CEP112: variants seen among roughly 807,000 people sequenced by gnomAD.
CEP112 encodes the protein centrosomal protein 112.
In CEP112, 127 loss-of-function variants were observed where a neutral mutation model predicts 153.0. That is an observed-to-expected ratio of 0.83 (90% CI 0.72 to 0.96). The LOEUF (loss-of-function observed/expected upper bound fraction) is 0.96. Among genes scored for constraint, CEP112 ranks in the 40% least tolerant of loss-of-function variants. The pLI, the probability that CEP112 is intolerant of heterozygous loss-of-function variation, is 0.00. For synonymous variants in CEP112, 358 were observed against 374.4 expected, an observed-to-expected ratio of 0.96 and a Z score of 0.51; for missense variants, 1,089 against 1,101.2, an observed-to-expected ratio of 0.99 and a Z score of 0.16.
At chr17:66,146,957 C>T (rs2070945211) in intron 4 of CEP112, among the ~76,000 whole-genome samples, 1 of 152,124 alleles carries the variant, frequency 6.6e-6, no homozygotes, top group African/African-American at 2.4e-5. Context: ...GCAAATAATG[C>T]TGCTATGAAG....
At chr17:65,724,981 G>C (rs2050097041) in intron 23 of CEP112, among the ~76,000 whole-genome samples, 1 of 151,954 alleles carries the variant, frequency 6.6e-6, no homozygotes, top group African/African-American at 2.4e-5. Context: ...CTCCCTTCCT[G>C]CCCCAAATAC....
chr17:66,160,586 A>G (rs1258838232), intron 4 of CEP112, among the ~76,000 whole-genome samples: 1 of 152,224 alleles, frequency 6.6e-6, no homozygotes, highest in African/African-American at 2.4e-5. Context: ...AAAACAAGCA[A>G]TGGGGAAAGG....
chr17:66,037,937 C>T (rs1203464423), intron 12 of CEP112, among the ~76,000 whole-genome samples: 1 of 151,310 alleles, frequency 6.6e-6, no homozygotes, highest in East Asian at 1.9e-4. Context: ...ATATCTGAGG[C>T]CCACCAGATG....
chr17:66,005,092 ATTTATGT>A (rs985213685), intron 17 of CEP112, among the ~76,000 whole-genome samples: 1 of 152,204 alleles, frequency 6.6e-6, no homozygotes, highest in Non-Finnish European at 1.5e-5. Context: ...CCTCACAATA[ATTTATGT>A]TTTAAGTTAT....
chr17:65,837,751 T>C (rs1401734927), intron 21 of CEP112, among the ~76,000 whole-genome samples: 1 of 152,214 alleles, frequency 6.6e-6, no homozygotes, highest in Non-Finnish European at 1.5e-5. Context: ...TAAGAAAAAT[T>C]ATTCTGCCTT....
chr17:65,832,462 C>T (rs2057124855), intron 21 of CEP112, among the ~76,000 whole-genome samples: 1 of 147,818 alleles, frequency 6.8e-6, no homozygotes, highest in Admixed American at 6.7e-5. Flanking sequence ...ACTAGCTAAA[C>T]TAATAAAGAA....
chr17:65,674,762 T>C (rs1011630352), intron 24 of CEP112, among the ~76,000 whole-genome samples: 5 of 152,226 alleles, frequency 3.3e-5, no homozygotes, highest in Non-Finnish European at 7.3e-5. Context: ...AACATCATCC[T>C]AGGTCTTAAA....
chr17:65,712,768 T>C (rs528926031), intron 23 of CEP112, among the ~76,000 whole-genome samples: 5 of 152,280 alleles, frequency 3.3e-5, no homozygotes, highest in Middle Eastern at 3.4e-3. Context: ...AATTTTCACT[T>C]TTGATGAGGA....
intron 24 of CEP112, among the ~76,000 whole-genome samples, chr17:65,679,534 C>G (rs2047410082): frequency 6.6e-6 from 1 of 152,130 alleles, no homozygotes; most frequent in African/African-American, 2.4e-5. Context: ...CCAACAGCAG[C>G]TAAGACTGTG....
At chr17:65,974,082 T>A (rs2062945211) in intron 17 of CEP112, among the ~76,000 whole-genome samples, 1 of 151,824 alleles carries the variant, frequency 6.6e-6, no homozygotes, top group African/African-American at 2.4e-5. Flanking sequence ...TTTTCTTACT[T>A]CTTTTTTTTT....
At chr17:65,910,085 A>G (rs2060228681) in intron 19 of CEP112, among the ~76,000 whole-genome samples, 1 of 152,264 alleles carries the variant, frequency 6.6e-6, no homozygotes, top group Non-Finnish European at 1.5e-5. Context: ...AAAAAAGAAA[A>G]CACTCTCTAA....
At chr17:66,005,587 C>T in intron 17 of CEP112, 103 bp downstream of exon 17, 5 of 1,355,316 alleles carry the variant, frequency 3.7e-6, no homozygotes, top group South Asian at 1.6e-5. Context: ...GAATCCATAG[C>T]AAAGCTCTTA....
chr17:65,811,555 C>T (rs966128965), intron 21 of CEP112, among the ~76,000 whole-genome samples: 1 of 152,114 alleles, frequency 6.6e-6, no homozygotes, highest in Non-Finnish European at 1.5e-5. Context: ...GCTCAAGAAA[C>T]CGAGAGGCCA....
chr17:66,052,503 T>C (rs1467965187), intron 12 of CEP112, among the ~76,000 whole-genome samples: 2 of 151,814 alleles, frequency 1.3e-5, no homozygotes, highest in Non-Finnish European at 2.9e-5. Context: ...TCCACAGCCA[T>C]ATATATATAT....
intron 20 of CEP112, among the ~76,000 whole-genome samples, chr17:65,898,030 G>A (rs901042782): frequency 2.0e-5 from 3 of 152,080 alleles, no homozygotes; most frequent in Non-Finnish European, 4.4e-5. Flanking sequence ...CCGCTTAACT[G>A]TAATATTTTT....
intron 20 of CEP112, among the ~76,000 whole-genome samples, chr17:65,874,334 T>C (rs1312859121): frequency 6.6e-6 from 1 of 152,134 alleles, no homozygotes; most frequent in Non-Finnish European, 1.5e-5. Context: ...ATAGAAATTA[T>C]TTACAGAGGC....
chr17:65,751,015 C>A, intron 21 of CEP112: 1 of 287,790 alleles, frequency 3.5e-6, no homozygotes. Flanking sequence ...TATGAAGGCT[C>A]AGAAGGTAAA....
rs1359197346 is a variant in CEP112 at position 66,078,259 on chromosome 17, TTTTC to T, written c.769-8262_769-8259del. Among the ~76,000 whole-genome samples, 63 of 52,442 alleles carry T rather than the reference TTTTC, an allele frequency of 1.2e-3. 1 individual carries two copies. In the South Asian group the frequency reaches 0.014, roughly 11 times the overall value. 34.4% of individuals were successfully genotyped at this position (52,442 alleles called of 152,430 possible). On this transcript the variant is annotated intron_variant, in intron 8 of 26. Transcript: ENST00000535342. ...ATCTTTTTTTTTTCTTTTCTTTTCT[TTTTC>T]TTTTTTTTTTTTTTGAGACGGAGTC...
intron 17 of CEP112, among the ~76,000 whole-genome samples, chr17:65,963,674 GGTGTGTGT>G (rs58215209): frequency 0.067 from 9,820 of 147,592 alleles, 461 homozygotes; most frequent in African/African-American, 0.13. Flanking sequence ...TATAGATAGG[GGTGTGTGT>G]GTGTGTGTGT....
Sources: gnomAD v4.1 joint callset for allele counts (sites outside exome capture counted in the v4.1 genomes callset) on GRCh38, gnomAD v4.1.1 for gene constraint, MANE v1.5 for transcripts, NCBI Gene and HGNC (gene_info 2026-07-23, HGNC 2026-07-21) for gene names.